The following CNBD1 variants were observed in gnomAD, a reference collection of about 807,000 sequenced individuals.
CNBD1 encodes cyclic nucleotide-binding domain-containing protein 1.
CNBD1 carries 71 observed loss-of-function variants against 54.4 expected under a neutral mutation model. The observed-to-expected ratio is 1.30, with a 90% CI of 1.08 to 1.59. The LOEUF is 1.59. CNBD1 is among the 40% of genes most tolerant of loss of function. The pLI, the probability that CNBD1 is intolerant of heterozygous loss-of-function variation, is 0.00. For missense variants in CNBD1, 659 were observed against 518.0 expected (o/e 1.27, Z -2.64); for synonymous variants, 182 against 170.7 (o/e 1.07, Z -0.51).
intron 4 of CNBD1, among the ~76,000 whole-genome samples, chr8:87,127,513 A>C (rs1420384932): frequency 1.3e-5 from 2 of 152,154 alleles, no homozygotes; most frequent in Non-Finnish European, 2.9e-5. Flanking sequence ...GAATTCTACA[A>C]CCTTACCAAA....
intron 4 of CNBD1, among the ~76,000 whole-genome samples, chr8:87,181,729 ACT>A (rs1430124503): frequency 7.3e-5 from 11 of 151,504 alleles, no homozygotes; most frequent in South Asian, 2.1e-4. Context: ...GATACTTAAC[ACT>A]CTGTTTATTT....
Position 87,324,864 on chromosome 8 carries a change from T to G in CNBD1, c.1043-26821T>G, listed in dbSNP as rs1359782169. Among the ~76,000 whole-genome samples the G allele has an allele frequency of 9.9e-5, 11 of 111,640 alleles. 1 individual carries two copies. Among genetic ancestry groups the G allele is most frequent in the East Asian group, 2.1e-4 (1 of 4,830 alleles). The allele number at this position is 111,640 out of a possible 152,430, so 73.2% of individuals were successfully genotyped here. A position where few individuals can be genotyped will look rare whatever the true frequency, so the allele number is the denominator to read the frequency against. On this transcript the variant is annotated intron_variant, in intron 8 of 10. Transcript: ENST00000518476. The stretch of plus-strand genomic sequence containing the variant: ...TGCTAGCTTTTGAATGTGTTTGCTC[T>G]TGCTTTTCTAGTTCTTTTAATTGTG...
intron 6 of CNBD1, among the ~76,000 whole-genome samples, chr8:87,270,064 T>C (rs561468435): frequency 6.6e-6 from 1 of 152,078 alleles, no homozygotes; most frequent in South Asian, 2.1e-4. Flanking sequence ...TTCACCACAA[T>C]CAACTAGGCT....
intron 8 of CNBD1, among the ~76,000 whole-genome samples, chr8:87,293,862 A>G (rs2130876706): frequency 6.6e-6 from 1 of 152,334 alleles, no homozygotes; most frequent in Non-Finnish European, 1.5e-5. Flanking sequence ...ATAAGCCAAT[A>G]TATGGTTTTC....
intron 2 of CNBD1, among the ~76,000 whole-genome samples, chr8:87,422,957 C>A (rs199659524): frequency 4.6e-5 from 7 of 150,894 alleles, no homozygotes; most frequent in Admixed American, 3.3e-4. Flanking sequence ...CCTTGAGCAG[C>A]GGTTTGTAGT....
At chr8:87,249,720 G>T (rs57630637) in intron 6 of CNBD1, among the ~76,000 whole-genome samples, 1 of 152,026 alleles carries the variant, frequency 6.6e-6, no homozygotes, top group Non-Finnish European at 1.5e-5. Context: ...CAAAACAGGA[G>T]TGAAGTGCTA....
intron 5 of CNBD1, among the ~76,000 whole-genome samples, chr8:87,232,920 T>C (rs1191131190): frequency 6.6e-6 from 1 of 152,150 alleles, no homozygotes; most frequent in African/African-American, 2.4e-5. Context: ...TATGAGGTTT[T>C]TAACATTATT....
intron 4 of CNBD1, among the ~76,000 whole-genome samples, chr8:87,052,866 T>C (rs35691431): frequency 0.038 from 5,846 of 152,300 alleles, 128 homozygotes; most frequent in Middle Eastern, 0.054. Context: ...TCCCTTTATT[T>C]GCCTAAGTTC....
intron 6 of CNBD1, among the ~76,000 whole-genome samples, chr8:87,272,438 T>C (rs182600200): frequency 6.6e-6 from 1 of 152,110 alleles, no homozygotes; most frequent in Non-Finnish European, 1.5e-5. Context: ...TCAATTTATA[T>C]CTCAGCTTAT....
intron 2 of CNBD1, 56 bp from the exon 3 acceptor site, chr8:86,905,025 T>C: frequency 9.8e-7 from 1 of 1,025,390 alleles, no homozygotes; most frequent in Non-Finnish European, 1.5e-6. Context: ...AAAATCTTTC[T>C]CTTGGAAGCT....
chr8:87,250,390 T>G (rs1489829686), intron 6 of CNBD1, among the ~76,000 whole-genome samples: 2 of 152,194 alleles, frequency 1.3e-5, no homozygotes, highest in Admixed American at 6.5e-5. Flanking sequence ...CAAATTAGTA[T>G]AGGCACTATG....
intron 10 of CNBD1, among the ~76,000 whole-genome samples, chr8:87,371,732 A>G (rs558882514): frequency 1.1e-4 from 17 of 152,156 alleles, no homozygotes; most frequent in Admixed American, 3.9e-4. Flanking sequence ...ACCAAAGACA[A>G]AAACCACATG....
At chr8:86,925,375 T>G (rs1406314113) in intron 3 of CNBD1, among the ~76,000 whole-genome samples, 1 of 152,138 alleles carries the variant, frequency 6.6e-6, no homozygotes, top group Non-Finnish European at 1.5e-5. Flanking sequence ...TCAGTTTTTA[T>G]TTTTAAAAAT....
chr8:87,333,840 G>A (rs1412149683), intron 8 of CNBD1, among the ~76,000 whole-genome samples: 1 of 151,946 alleles, frequency 6.6e-6, no homozygotes, highest in Non-Finnish European at 1.5e-5. Context: ...TTTTTTTGTT[G>A]TGTTCCTGCC....
chr8:87,377,527 C>T (rs1343070190), intron 10 of CNBD1, among the ~76,000 whole-genome samples: 1 of 151,830 alleles, frequency 6.6e-6, no homozygotes, highest in African/African-American at 2.4e-5. Flanking sequence ...GTATATGTGC[C>T]ACATTTTCTT....
chr8:86,973,162 T>G (rs1000795861), intron 4 of CNBD1, among the ~76,000 whole-genome samples: 2 of 152,200 alleles, frequency 1.3e-5, no homozygotes, highest in African/African-American at 4.8e-5. Flanking sequence ...TTCTGACCAC[T>G]GGCCTTGACA....
chr8:86,876,635 AT>A (rs1359790748), intron 1 of CNBD1, among the ~76,000 whole-genome samples: 1 of 149,020 alleles, frequency 6.7e-6, no homozygotes, highest in Non-Finnish European at 1.5e-5. Context: ...TTAAAAGCTA[AT>A]TTTTTATTTT....
intron 4 of CNBD1, among the ~76,000 whole-genome samples, chr8:87,110,426 T>C (rs1171401985): frequency 1.3e-5 from 2 of 152,164 alleles, no homozygotes; most frequent in Admixed American, 6.5e-5. Flanking sequence ...ACCTAATGAA[T>C]GGGTCAGAGC....
chr8:87,385,282 G>A (rs1217956305), downstream of CNBD1, among the ~76,000 whole-genome samples: 2 of 152,094 alleles, frequency 1.3e-5, no homozygotes, highest in East Asian at 3.9e-4. Context: ...GCAGGACAGT[G>A]GGTGCAGCGC....
Sources: allele counts gnomAD v4.1 joint callset (sites outside exome capture counted in the v4.1 genomes callset), GRCh38; gene constraint gnomAD v4.1.1; transcripts MANE v1.5; gene names NCBI Gene and HGNC (gene_info 2026-07-23, HGNC 2026-07-21).